The following POC1B variants were observed in gnomAD, a reference collection of about 807,000 sequenced individuals.
The protein encoded by POC1B is POC1 centriolar protein homolog B.
A neutral mutation model predicts 60.6 loss-of-function variants in POC1B; 44 were observed. The ratio of observed to expected loss-of-function variants is 0.73; its 90% CI spans 0.57 to 0.93. The LOEUF (loss-of-function observed/expected upper bound fraction) is 0.93. Ranked by LOEUF, POC1B falls within the 40% of genes least tolerant of loss-of-function variation. POC1B has a pLI of 0.00. For missense variants in POC1B, 555 were observed against 572.3 expected, an observed-to-expected ratio of 0.97 and a Z score of 0.31; for synonymous variants, 180 against 198.9, an observed-to-expected ratio of 0.90 and a Z score of 0.80.
intron 10 of POC1B, among the ~76,000 whole-genome samples, chr12:89,441,311 GCCT>G (rs1427615731): frequency 1.3e-5 from 2 of 152,216 alleles, no homozygotes; most frequent in South Asian, 2.1e-4. Flanking sequence ...CAGACAGATT[GCCT>G]CCTCAAGTGG....
At chr12:89,441,916 A>G (rs189285814) in intron 10 of POC1B, among the ~76,000 whole-genome samples, 1 of 152,362 alleles carries the variant, frequency 6.6e-6, no homozygotes, top group East Asian at 1.9e-4. Flanking sequence ...AACAGCGTTT[A>G]TGACCTGATA....
At chr12:89,524,310 G>A (rs184768321) in intron 2 of POC1B, 1 of 1,613,984 alleles carries the variant, frequency 6.2e-7, no homozygotes, top group East Asian at 2.2e-5. Flanking sequence ...GGAGTTTGCT[G>A]GCTTTCCCCC....
rs1869298495 is a variant in POC1B at position 89,497,218 on chromosome 12, C to T, written c.225G>A (p.Leu75=). 6.2e-7 allele frequency: 1 copy of T among 1,613,800 alleles called. No individual in the cohort carries two copies. Among genetic ancestry groups the T allele is most frequent in the African/African-American group, 1.3e-5 (1 of 74,898 alleles). ...CGGTTCTGTCTCGTGAGGCAGACGC[C>T]AATAAGTTTCCATGTGGAGAAAACT... ...SVQFSPHGNL[L]ASASRDRTVR... is the part of the protein sequence containing the mutation. Residue 75 remains leucine, a synonymous_variant, in exon 3 of 12, where the codon TTG becomes TTA. Transcript: ENST00000313546.
At position 89,486,674 on chromosome 12, in the gene POC1B, G is replaced by C. The variant is rs575169354; in HGVS notation, c.452+5262C>G. On this transcript the variant is annotated intron_variant, in intron 4 of 11. Coordinates refer to ENST00000313546, the MANE Select transcript of POC1B (RefSeq NM_172240.3). ...TGGGAGGAGGTAATCTGTGGTCTGA[G>C]AGACCATTTAGGAGATTCCTGCAAC... Among the ~76,000 whole-genome samples, 13 of 152,266 alleles carry C rather than the reference G, an allele frequency of 8.5e-5. No homozygotes were observed. In the East Asian group the frequency reaches 1.2e-3, roughly 14 times the overall value.
At chr12:89,429,136 G>A (rs1296328064) in intron 10 of POC1B, 2 of 152,080 alleles carry the variant, frequency 1.3e-5, no homozygotes, top group African/African-American at 4.8e-5. Flanking sequence ...AGCAATAAAA[G>A]AGCTCCAATA....
At chr12:89,497,366 A>G (rs765897230) in intron 2 of POC1B, 24 bp from the exon 3 acceptor site, 16 of 1,596,154 alleles carry the variant, frequency 1.0e-5, no homozygotes, top group Non-Finnish European at 1.2e-5. Context: ...GAAGAACAAA[A>G]CCACTGTTTG....
chr12:89,405,030 AG>A, the POC1B span, among the ~76,000 whole-genome samples: 3 of 152,244 alleles, frequency 2.0e-5, no homozygotes, highest in Admixed American at 6.5e-5. Context: ...CAGCATATGT[AG>A]AACACCTTTA....
At position 89,467,545 on chromosome 12, in the gene POC1B, T is replaced by C; in HGVS notation, c.879+72A>G. The C allele has an allele frequency of 2.3e-6, 3 of 1,282,878 alleles. No individual in the cohort carries two copies. In the South Asian group the frequency reaches 4.0e-5, roughly 17 times the overall value. 79.5% of individuals were successfully genotyped at this position (1,282,878 alleles called of 1,614,324 possible). On this transcript the variant is annotated intron_variant, in intron 8 of 11. Transcript: ENST00000313546. ...TTAACATACACAAACTAGCTGGTTG[T>C]AAAACTCTTAGCTGAGGTCAAGGAT...
At chr12:89,411,769 GC>G in the POC1B span, among the ~76,000 whole-genome samples, 1 of 152,186 alleles carries the variant, frequency 6.6e-6, no homozygotes, top group Non-Finnish European at 1.5e-5. Flanking sequence ...CTTGCTGAAA[GC>G]GGTGAAGAAG....
chr12:89,430,859 C>G (rs1881000527), intron 10 of POC1B, among the ~76,000 whole-genome samples: 1 of 152,106 alleles, frequency 6.6e-6, no homozygotes. Context: ...CCTGCATCAG[C>G]TGAGCCAATC....
At chr12:89,415,311 T>C (rs188794064), downstream of POC1B, among the ~76,000 whole-genome samples, 1 of 152,182 alleles carries the variant, frequency 6.6e-6, no homozygotes, top group Admixed American at 6.5e-5. Context: ...GAAATCATAC[T>C]TTTTGGAAAT....
intron 4 of POC1B, among the ~76,000 whole-genome samples, chr12:89,489,142 C>A (rs1868807111): frequency 6.6e-6 from 1 of 152,150 alleles, no homozygotes; most frequent in African/African-American, 2.4e-5. Context: ...GAATGAGTGT[C>A]CAGTGATGGT....
rs370790519 is a variant in POC1B at position 89,523,079 on chromosome 12, T to C, written c.100+2041A>G. ...ACAGAATTAAACCTTATTTCTTTGT[T>C]TGAAGTATATTCAAAGAATTGATTG... On this transcript the variant is annotated intron_variant, in intron 2 of 11. Transcript: ENST00000313546. 4.5e-5 allele frequency: 72 copies of C among 1,613,782 alleles called. No homozygotes were observed. In the African/African-American group the frequency reaches 8.0e-4, roughly 18 times the overall value.
chr12:89,501,711 GGA>G, intron 2 of POC1B: 1 of 946,956 alleles, frequency 1.1e-6, no homozygotes, highest in Non-Finnish European at 1.7e-6. Context: ...TAAAATCAGA[GGA>G]GAGTCCTGTT....
chr12:89,463,438 C>CACA (rs1035929434), intron 9 of POC1B, among the ~76,000 whole-genome samples: 9 of 152,016 alleles, frequency 5.9e-5, no homozygotes, highest in South Asian at 2.1e-4. Context: ...CACACACACA[C>CACA]ACACACTGAA....
chr12:89,523,118 G>A lies in POC1B; in HGVS notation c.100+2002C>T, dbSNP rs200670762. ...AAGAATTGATTGCCTCCTTGACCATGGCATCCAAACAGTGAAAGGTTAGCA... is the reference window on the plus strand; with the variant it reads ...AAGAATTGATTGCCTCCTTGACCATAGCATCCAAACAGTGAAAGGTTAGCA... On this transcript the variant is annotated intron_variant, in intron 2 of 11. Transcript: ENST00000313546. 1.0e-4 allele frequency: 163 copies of A among 1,613,720 alleles called. No individual in the cohort carries two copies. The highest frequency in any genetic ancestry group is 1.3e-4 in the Non-Finnish European group (156 of 1,179,798).
At chr12:89,452,935 G>A (rs573147550) in intron 10 of POC1B, among the ~76,000 whole-genome samples, 28 of 152,158 alleles carry the variant, frequency 1.8e-4, no homozygotes, top group Non-Finnish European at 3.7e-4. Context: ...TATAACATAT[G>A]GGTCATGAAG....
chr12:89,481,483 T>C (rs1000780463), intron 4 of POC1B, among the ~76,000 whole-genome samples: 9 of 152,114 alleles, frequency 5.9e-5, no homozygotes, highest in African/African-American at 2.2e-4. Flanking sequence ...TAAATCTTAG[T>C]ACATGGAAGT....
Position 89,517,632 on chromosome 12 carries a change from C to CA in POC1B, c.100+7487dup, listed in dbSNP as rs113256657. 7.3e-3 allele frequency among the ~76,000 whole-genome samples: 1,011 copies of CA among 139,164 alleles called. 4 individuals are homozygous for CA. The highest frequency in any genetic ancestry group is 0.016 in the African/African-American group (624 of 37,878). The allele number at this position is 139,164 out of a possible 152,430, so 91.3% of individuals were successfully genotyped here. On this transcript the variant is annotated intron_variant, in intron 2 of 11. Coordinates refer to ENST00000313546, the MANE Select transcript of POC1B (RefSeq NM_172240.3). ...TGGGCAACAGAGTGAGACTTGGTCT[C>CA]AAAAAAAAAAAAGAAAAAAGCATTC...
Sources: allele counts gnomAD v4.1 joint callset (sites outside exome capture counted in the v4.1 genomes callset), GRCh38; gene constraint gnomAD v4.1.1; transcripts MANE v1.5; gene names NCBI Gene and HGNC (gene_info 2026-07-23, HGNC 2026-07-21).